CCSER1: variants seen among roughly 807,000 people sequenced by gnomAD.
CCSER1 encodes the protein serine-rich coiled-coil domain-containing protein 1.
In CCSER1, 41 loss-of-function variants were observed where a neutral mutation model predicts 82.0. That is an observed-to-expected ratio of 0.50 (90% CI 0.39 to 0.65). CCSER1 has a LOEUF of 0.65. Ranked by LOEUF, CCSER1 falls within the 30% of genes least tolerant of loss-of-function variation. The pLI is 0.00. For missense variants in CCSER1, 1,119 were observed against 1,064.2 expected (o/e 1.05, Z -0.72); for synonymous variants, 414 against 383.9 (o/e 1.08, Z -0.92).
At chr4:90,685,411 A>C (rs1734645514) in intron 6 of CCSER1, among the ~76,000 whole-genome samples, 1 of 152,112 alleles carries the variant, frequency 6.6e-6, no homozygotes, top group South Asian at 2.1e-4. Context: ...AGAAAGCAAA[A>C]ATTATTACTA....
chr4:90,330,988 A>T (rs867527398), intron 3 of CCSER1, among the ~76,000 whole-genome samples: 1 of 152,108 alleles, frequency 6.6e-6, no homozygotes, highest in African/African-American at 2.4e-5. Context: ...TATTCAAATG[A>T]TTTCTACAGA....
chr4:91,302,649 G>C (rs1560576934), intron 10 of CCSER1, among the ~76,000 whole-genome samples: 2 of 151,816 alleles, frequency 1.3e-5, no homozygotes, highest in South Asian at 2.1e-4. Context: ...GGCTTAAAAG[G>C]CCTTATTATT....
chr4:90,648,305 G>GAAAC (rs60636846), intron 6 of CCSER1, among the ~76,000 whole-genome samples: 2 of 139,504 alleles, frequency 1.4e-5, no homozygotes, highest in Non-Finnish European at 3.0e-5. Flanking sequence ...AAGAAAGAAA[G>GAAAC]AAAGAAAGAA....
intron 9 of CCSER1, among the ~76,000 whole-genome samples, chr4:91,047,580 G>A (rs1411366921): frequency 6.6e-6 from 1 of 152,038 alleles, no homozygotes; most frequent in Admixed American, 6.6e-5. Context: ...CTTGGCTCTG[G>A]TTTTTGTATG....
chr4:91,542,376 T>A (rs1025557658), intron 10 of CCSER1, among the ~76,000 whole-genome samples: 2 of 152,198 alleles, frequency 1.3e-5, no homozygotes, highest in Admixed American at 1.3e-4. Flanking sequence ...AATATTGAAG[T>A]CTTTAATCCA....
At chr4:90,882,290 G>T (rs1721445909) in intron 8 of CCSER1, among the ~76,000 whole-genome samples, 1 of 151,892 alleles carries the variant, frequency 6.6e-6, no homozygotes, top group African/African-American at 2.4e-5. Context: ...GGATACATCT[G>T]CCTGTGTAAA....
intron 9 of CCSER1, among the ~76,000 whole-genome samples, chr4:91,054,773 A>C (rs1743301971): frequency 6.6e-6 from 1 of 152,078 alleles, no homozygotes; most frequent in African/African-American, 2.4e-5. Context: ...CTAATCCCTA[A>C]TCTGAAATTT....
At chr4:91,306,380 T>C (rs527970312) in intron 10 of CCSER1, among the ~76,000 whole-genome samples, 54 of 152,146 alleles carry the variant, frequency 3.5e-4, no homozygotes, top group African/African-American at 1.2e-3. Flanking sequence ...ATTCTTCTTC[T>C]GAAAAAAATA....
chr4:90,418,105 T>C (rs1461586520), intron 4 of CCSER1, among the ~76,000 whole-genome samples: 2 of 152,144 alleles, frequency 1.3e-5, no homozygotes, highest in African/African-American at 4.8e-5. Context: ...GAGCAAGTTA[T>C]TTAATCTTTT....
intron 8 of CCSER1, among the ~76,000 whole-genome samples, chr4:90,900,925 T>TC (rs1491478546): frequency 6.6e-6 from 1 of 151,954 alleles, no homozygotes; most frequent in African/African-American, 2.4e-5. Flanking sequence ...TGACTGTCTA[T>TC]CTCTTGGTCT....
intron 7 of CCSER1, among the ~76,000 whole-genome samples, chr4:90,806,276 A>G (rs982280738): frequency 2.6e-5 from 4 of 152,198 alleles, no homozygotes; most frequent in Admixed American, 6.5e-5. Flanking sequence ...ATGAATGTAA[A>G]TGATATATTA....
chr4:90,736,956 A>G (rs1745755424), intron 7 of CCSER1, among the ~76,000 whole-genome samples: 1 of 152,104 alleles, frequency 6.6e-6, no homozygotes. Context: ...GACAACATGG[A>G]TTGCATGAAC....
At chr4:91,238,526 C>T (rs1739195195) in intron 10 of CCSER1, among the ~76,000 whole-genome samples, 1 of 152,136 alleles carries the variant, frequency 6.6e-6, no homozygotes, top group South Asian at 2.1e-4. Flanking sequence ...TTATAAGCCT[C>T]TAAAATGGTG....
chr4:90,407,951 C>T (rs1753993184), intron 4 of CCSER1, among the ~76,000 whole-genome samples: 1 of 152,172 alleles, frequency 6.6e-6, no homozygotes, highest in Non-Finnish European at 1.5e-5. Flanking sequence ...CTGCACTTTT[C>T]CAACGGGCCT....
At chr4:91,149,886 G>T (rs892284097) in intron 10 of CCSER1, among the ~76,000 whole-genome samples, 8 of 152,174 alleles carry the variant, frequency 5.3e-5, no homozygotes, top group African/African-American at 1.7e-4. Context: ...CTGTAGCCTT[G>T]TAGTATAGTT....
chr4:91,355,044 A>T (rs1281515725), intron 10 of CCSER1, among the ~76,000 whole-genome samples: 1 of 152,062 alleles, frequency 6.6e-6, no homozygotes, highest in Admixed American at 6.6e-5. Context: ...TGTGATTACT[A>T]ATTTTAAAGG....
intron 10 of CCSER1, among the ~76,000 whole-genome samples, chr4:91,168,645 G>A (rs1034315770): frequency 1.3e-5 from 2 of 152,080 alleles, no homozygotes; most frequent in African/African-American, 2.4e-5. Flanking sequence ...CTTCTGGGAA[G>A]TGAGGAGTGC....
At chr4:90,829,474 A>G (rs1398175867) in intron 8 of CCSER1, among the ~76,000 whole-genome samples, 1 of 152,170 alleles carries the variant, frequency 6.6e-6, no homozygotes. Flanking sequence ...TTCATAACCT[A>G]TATTGATGAA....
intron 10 of CCSER1, among the ~76,000 whole-genome samples, chr4:91,193,543 G>A (rs746578301): frequency 3.9e-5 from 6 of 152,072 alleles, no homozygotes; most frequent in Non-Finnish European, 7.4e-5. Flanking sequence ...AATAATGGGG[G>A]CATATTTATC....
Sources: gnomAD v4.1 joint callset for allele counts (sites outside exome capture counted in the v4.1 genomes callset) on GRCh38, gnomAD v4.1.1 for gene constraint, MANE v1.5 for transcripts, NCBI Gene and HGNC (gene_info 2026-07-23, HGNC 2026-07-21) for gene names.